The following TLK1 variants were observed in gnomAD, a reference collection of about 807,000 sequenced individuals.
TLK1 encodes serine/threonine-protein kinase tousled-like 1.
TLK1 carries 24 observed loss-of-function variants against 105.3 expected under a neutral mutation model. That is an observed-to-expected ratio of 0.23 (90% confidence interval 0.17 to 0.32). TLK1 has a LOEUF of 0.32. Among genes scored for constraint, TLK1 ranks in the 10% least tolerant of loss-of-function variants. TLK1 has a pLI of 1.00. For synonymous variants in TLK1, 321 were observed against 310.4 expected, an observed-to-expected ratio of 1.03 and a Z score of -0.36; for missense variants, 558 against 910.5, an observed-to-expected ratio of 0.61 and a Z score of 4.98.
intron 10 of TLK1, among the ~76,000 whole-genome samples, chr2:171,047,036 T>G (rs1686995200): frequency 6.6e-6 from 1 of 152,106 alleles, no homozygotes; most frequent in Non-Finnish European, 1.5e-5. Context: ...TTTGATAATT[T>G]AAGGGGAAAA....
intron 3 of TLK1, among the ~76,000 whole-genome samples, chr2:171,080,955 C>T (rs1256622375): frequency 6.6e-6 from 1 of 152,150 alleles, no homozygotes; most frequent in Non-Finnish European, 1.5e-5. Flanking sequence ...GCAATCCTGC[C>T]TAGGCCTCCC....
intron 1 of TLK1, among the ~76,000 whole-genome samples, chr2:171,212,883 A>G (rs1446248401): frequency 1.3e-5 from 1 of 77,002 alleles, no homozygotes; most frequent in Non-Finnish European, 2.6e-5. Context: ...AAACAGCAAA[A>G]AGCGTTTTGT....
chr2:171,003,303 A>AAAAAAAAC (rs1684487661), intron 18 of TLK1, among the ~76,000 whole-genome samples: 1 of 146,778 alleles, frequency 6.8e-6, no homozygotes, highest in Admixed American at 6.9e-5. Context: ...AAAAAAAAAA[A>AAAAAAAAC]AAGTACAAGG....
intron 3 of TLK1, among the ~76,000 whole-genome samples, chr2:171,079,369 T>A (rs952957840): frequency 6.6e-6 from 1 of 152,212 alleles, no homozygotes; most frequent in Non-Finnish European, 1.5e-5. Context: ...TGTGCTTCTA[T>A]CTGTTACAGC....
At chr2:171,175,308 G>GA (rs151190588) in intron 1 of TLK1, among the ~76,000 whole-genome samples, 20 of 146,264 alleles carry the variant, frequency 1.4e-4, no homozygotes, top group South Asian at 4.3e-4. Flanking sequence ...AAAAACATTT[G>GA]AAAAAAAAAA....
intron 20 of TLK1, among the ~76,000 whole-genome samples, chr2:170,995,320 G>C (rs1258085513): frequency 1.3e-5 from 2 of 151,910 alleles, no homozygotes; most frequent in East Asian, 3.9e-4. Flanking sequence ...ACAGAATATA[G>C]AGATATTATA....
intron 11 of TLK1, among the ~76,000 whole-genome samples, chr2:171,037,119 G>A (rs2105407233): frequency 6.6e-6 from 1 of 152,200 alleles, no homozygotes; most frequent in Non-Finnish European, 1.5e-5. Flanking sequence ...AGCAACAGCA[G>A]GAGGCCAGGA....
chr2:171,085,826 T>C (rs1238529795), intron 2 of TLK1, among the ~76,000 whole-genome samples: 1 of 152,170 alleles, frequency 6.6e-6, no homozygotes, highest in Non-Finnish European at 1.5e-5. Flanking sequence ...GATTAAATGA[T>C]AATGACAAGG....
At chr2:171,098,228 T>C (rs1689534965) in intron 2 of TLK1, among the ~76,000 whole-genome samples, 1 of 152,084 alleles carries the variant, frequency 6.6e-6, no homozygotes, top group African/African-American at 2.4e-5. Context: ...CACTTGAAAT[T>C]TGCTAAGAGA....
chr2:171,130,399 C>T (rs1470112316), intron 1 of TLK1, among the ~76,000 whole-genome samples: 2 of 140,364 alleles, frequency 1.4e-5, no homozygotes, highest in East Asian at 2.0e-4. Context: ...AACTCTATCT[C>T]GGGGAAAAAA....
At chr2:171,007,122 G>GT in intron 14 of TLK1, 59 bp from the exon 15 acceptor site, 2 of 1,423,382 alleles carry the variant, frequency 1.4e-6, no homozygotes, top group Non-Finnish European at 9.6e-7. Flanking sequence ...CTGAAGAGAT[G>GT]TTTTTTATTT....
chr2:171,006,780 G>T lies in TLK1; in HGVS notation c.1598+20C>A, dbSNP rs760807860. On this transcript the variant is annotated intron_variant, in intron 16 of 20. Transcript: ENST00000431350. ...GCAAGCATATCTTTCCTTAAAAATT[G>T]AACCTTAATATTCACTTACGTATCT... is the stretch of plus-strand genomic sequence containing the variant. 3.1e-6 allele frequency: 5 copies of T among 1,605,248 alleles called. No homozygotes were observed. Among genetic ancestry groups the T allele is most frequent in the Middle Eastern group, 3.3e-4 (2 of 6,040 alleles).
intron 3 of TLK1, among the ~76,000 whole-genome samples, chr2:171,078,707 G>C (rs1688621902): frequency 1.3e-5 from 2 of 152,144 alleles, no homozygotes; most frequent in Non-Finnish European, 2.9e-5. Context: ...ATCTGAAAAA[G>C]GCAGAGCCCA....
chr2:171,128,860 TAAAG>T (rs1323882137), intron 1 of TLK1, among the ~76,000 whole-genome samples: 7 of 152,178 alleles, frequency 4.6e-5, no homozygotes, highest in Admixed American at 4.6e-4. Context: ...ATTTTAAAAA[TAAAG>T]AAATTGAGAC....
intron 1 of TLK1, among the ~76,000 whole-genome samples, chr2:171,137,358 C>T (rs1027828281): frequency 6.6e-6 from 1 of 151,176 alleles, no homozygotes; most frequent in Non-Finnish European, 1.5e-5. Context: ...AGAAATAAAA[C>T]GAAGTAAATT....
chr2:171,030,911 A>G (rs1178211552), intron 11 of TLK1, among the ~76,000 whole-genome samples: 1 of 151,942 alleles, frequency 6.6e-6, no homozygotes, highest in African/African-American at 2.4e-5. Flanking sequence ...GCTCCTACAC[A>G]TGCACATGGC....
chr2:171,190,105 T>C (rs1385398861), intron 1 of TLK1, among the ~76,000 whole-genome samples: 4 of 152,212 alleles, frequency 2.6e-5, no homozygotes, highest in Non-Finnish European at 5.9e-5. Flanking sequence ...ATAATTAATA[T>C]GACTTTTCTT....
At chr2:171,116,861 CTG>C (rs951994376) in intron 2 of TLK1, among the ~76,000 whole-genome samples, 2 of 152,162 alleles carry the variant, frequency 1.3e-5, no homozygotes, top group Admixed American at 1.3e-4. Context: ...ATTAGTACAA[CTG>C]TTCTGAATAG....
At chr2:171,056,404 A>T (rs993123390) in intron 6 of TLK1, 67 bp downstream of exon 6, 83 of 1,310,322 alleles carry the variant, frequency 6.3e-5, no homozygotes, top group Non-Finnish European at 8.5e-5. Context: ...ACAACAAATT[A>T]TAAAACTTAT....
Sources: gnomAD v4.1 joint callset for allele counts (sites outside exome capture counted in the v4.1 genomes callset) on GRCh38, gnomAD v4.1.1 for gene constraint, MANE v1.5 for transcripts, NCBI Gene and HGNC (gene_info 2026-07-23, HGNC 2026-07-21) for gene names.